The following UBXN1 variants were observed in gnomAD, a reference collection of about 807,000 sequenced individuals.
The protein encoded by UBXN1 is UBX domain protein 1, also known as UBX domain-containing protein 1.
In UBXN1, 21 loss-of-function variants were observed where a neutral mutation model predicts 42.0. The ratio of observed to expected loss-of-function variants is 0.50; its 90% CI spans 0.35 to 0.72. The LOEUF is 0.72. Ranked by LOEUF, UBXN1 falls within the 30% of genes least tolerant of loss-of-function variation. The pLI is 0.00. For missense variants in UBXN1, 374 were observed against 382.2 expected (o/e 0.98, Z 0.18); for synonymous variants, 172 against 142.6 (o/e 1.21, Z -1.47).
chr11:62,677,502 G>A lies in UBXN1; in HGVS notation c.651+16C>T. ...CAAAGGGGTCCCAAGAGGAAGATAA[G>A]AATTAGAATCAGTACCTGTATGCGA... is the stretch of plus-strand genomic sequence containing the variant. On this transcript the variant is annotated intron_variant, in intron 7 of 8. Transcript: ENST00000301935. 7 of 1,613,156 alleles carry A rather than the reference G, an allele frequency of 4.3e-6. No homozygotes were observed. Among genetic ancestry groups the A allele is most frequent in the Non-Finnish European group, 5.9e-6 (7 of 1,179,112 alleles).
Position 62,678,673 on chromosome 11 carries a change from C to T in UBXN1, c.113+17G>A. ...CCGCCAGCCCCCAATTCTCCGCCAC[C>T]CGGGACGAGCGCTTACCAGTCCATC... On this transcript the variant is annotated intron_variant, in intron 2 of 8. Transcript: ENST00000301935. 6.2e-7 allele frequency: 1 copy of T among 1,611,328 alleles called. No individual in the cohort carries two copies. The highest frequency in any genetic ancestry group is 1.1e-5 in the South Asian group (1 of 90,894).
At position 62,678,133 on chromosome 11, in the gene UBXN1, G is replaced by C. The variant is rs375404169; in HGVS notation, c.291-15C>G. The C allele has an allele frequency of 6.2e-7, 1 of 1,612,884 alleles. No individual in the cohort carries two copies. The highest frequency in any genetic ancestry group is 8.5e-7 in the Non-Finnish European group (1 of 1,179,280). On this transcript the variant is annotated splice_polypyrimidine_tract_variant and intron_variant, in intron 4 of 8. Coordinates refer to ENST00000301935, the MANE Select transcript of UBXN1 (RefSeq NM_001286077.2). ...GCTCCAACATCCTGTGTTGCCGAGGGAAAACAGTTCAAGAGAAATGGACAG... is the reference window on the plus strand; with the variant it reads ...GCTCCAACATCCTGTGTTGCCGAGGCAAAACAGTTCAAGAGAAATGGACAG...
intron 4 of UBXN1, 37 bp downstream of exon 4, chr11:62,678,302 G>A (rs780029540): frequency 1.2e-6 from 2 of 1,612,444 alleles, no homozygotes; most frequent in East Asian, 4.5e-5. Flanking sequence ...AGAGATGGAA[G>A]ACGACCCTCA....
Position 62,678,965 on chromosome 11 carries a change from G to T in UBXN1, c.-42C>A, listed in dbSNP as rs1006482357. The T allele has an allele frequency of 2.8e-5, 44 of 1,546,792 alleles. No individual in the cohort carries two copies. The highest frequency in any genetic ancestry group is 3.7e-5 in the Non-Finnish European group (43 of 1,149,420). On this transcript the variant is annotated 5_prime_UTR_variant, in exon 1 of 9. Coordinates refer to ENST00000301935, the MANE Select transcript of UBXN1 (RefSeq NM_001286077.2). The stretch of plus-strand genomic sequence containing the variant: ...CTTCCGCGGGGACCTGGTGTGTGAC[G>T]AGAAGGAGGGCGGGAAGGGTCAGCG...
At position 62,676,925 on chromosome 11, in the gene UBXN1, C is replaced by G; in HGVS notation, c.732G>C (p.Glu244Asp). The G allele has an allele frequency of 6.2e-7, 1 of 1,613,604 alleles. No homozygotes were observed. The highest frequency in any genetic ancestry group is 8.5e-7 in the Non-Finnish European group (1 of 1,180,048). ...EQLAAVRLYV[E>D]LHRGEELGGG... Reference sequence around the variant, plus strand: ...CACCTAGTTCCTCCCCACGGTGGAGCTCCACATAGAGCCTCACAGCTGCCA... The same window carrying G: ...CACCTAGTTCCTCCCCACGGTGGAGGTCCACATAGAGCCTCACAGCTGCCA... Residue 244 changes from glutamate to aspartate, a missense_variant, in exon 8 of 9, where the codon GAG (glutamate) becomes GAC (aspartate). Glu to Asp is a conservative substitution (Grantham distance 45). Coordinates refer to ENST00000301935, the MANE Select transcript of UBXN1 (RefSeq NM_001286077.2).
chr11:62,677,914 C>A lies in UBXN1; in HGVS notation c.482+13G>T. 1 of 1,614,020 alleles carries A rather than the reference C, an allele frequency of 6.2e-7. No individual in the cohort carries two copies. The highest frequency in any genetic ancestry group is 8.5e-7 in the Non-Finnish European group (1 of 1,179,888). On this transcript the variant is annotated intron_variant, in intron 5 of 8. Transcript: ENST00000301935. ...CTTTCTCATCTGCTATCCATCATTT[C>A]CCCTGCCCAGACCTGGCTGCTAACT...
chr11:62,678,378 G>C lies in UBXN1; in HGVS notation c.251C>G (p.Pro84Arg). The C allele has an allele frequency of 6.2e-7, 1 of 1,614,042 alleles. No homozygotes were observed. Among genetic ancestry groups the C allele is most frequent in the Non-Finnish European group, 8.5e-7 (1 of 1,180,016 alleles). The change falls in exon 4 of 9, where the codon CCC becomes CGC. Residue 84 changes from proline (P) to arginine (R), a missense_variant. Transcript: ENST00000301935. ...GSGSAAGEGK[P>R]ALSEEERQEQ... is the part of the protein sequence containing the mutation. ...CTGTCTTTCCTCTTCACTCAAAGCG[G>C]GTTTGCCTTCTCCGGCAGCAGAACC... is the stretch of plus-strand genomic sequence containing the variant.
chr11:62,678,247 G>A (rs1033505057), intron 4 of UBXN1, 92 bp downstream of exon 4: 1 of 1,605,334 alleles, frequency 6.2e-7, no homozygotes, highest in Non-Finnish European at 8.5e-7. Flanking sequence ...CAAGAAAGAG[G>A]AAATGTGGAA....
chr11:62,677,131 C>T (rs1488660530), intron 7 of UBXN1, 126 bp from the exon 8 acceptor site: 8 of 1,141,078 alleles, frequency 7.0e-6, no homozygotes, highest in African/African-American at 1.6e-5. Flanking sequence ...CTATTTAAAG[C>T]ACCAAATGAA....
At position 62,678,924 on chromosome 11, in the gene UBXN1, G is replaced by C. The variant is rs746964877; in HGVS notation, c.-1C>G. ...TCTCAAGAGCCGTCAGCTCCGCCAT[G>C]GCGCCGACACCGCGGCTTCCGCGGG... On this transcript the variant is annotated 5_prime_UTR_variant, in exon 1 of 9. Coordinates refer to ENST00000301935, the MANE Select transcript of UBXN1 (RefSeq NM_001286077.2). The C allele has an allele frequency of 6.3e-7, 1 of 1,586,450 alleles. No individual in the cohort carries two copies. The highest frequency in any genetic ancestry group is 1.1e-5 in the South Asian group (1 of 88,076).
Position 62,678,364 on chromosome 11 carries a change from C to G in UBXN1, c.265G>C (p.Glu89Gln). The G allele has an allele frequency of 6.2e-7, 1 of 1,614,174 alleles. No individual in the cohort carries two copies. The highest frequency in any genetic ancestry group is 1.3e-5 in the African/African-American group (1 of 75,044). ...AGEGKPALSE[E>Q]ERQEQTKRML... ...CTCTTAGTTTGTTCCTGTCTTTCCT[C>G]TTCACTCAAAGCGGGTTTGCCTTCT... Residue 89 changes from glutamate to glutamine, a missense_variant, in exon 4 of 9, where the codon GAG (glutamate) becomes CAG (glutamine). Physicochemically the swap from Glu to Gln is conservative, Grantham distance 29. Transcript: ENST00000301935.
rs1197474711 is a variant in UBXN1, at chr11:62,677,589, G to C, written c.580C>G (p.Pro194Ala). The C allele has an allele frequency of 6.2e-7, 1 of 1,613,772 alleles. No individual in the cohort carries two copies. The highest frequency in any genetic ancestry group is 1.3e-5 in the African/African-American group (1 of 75,028). Residue 194 changes from proline to alanine, a missense_variant, in exon 7 of 9, where the codon CCA becomes GCA. Coordinates refer to ENST00000301935, the MANE Select transcript of UBXN1 (RefSeq NM_001286077.2). ...GSQPPPVAPEPGPVPSSPSQE... is the reference protein window; with the variant it reads ...GSQPPPVAPEAGPVPSSPSQE... ...CTGGGAGAAGAGGGAACAGGACCTGGCTCTGGTGCCACTGGGGGTGGCTGA... is the reference window on the plus strand; with the variant it reads ...CTGGGAGAAGAGGGAACAGGACCTGCCTCTGGTGCCACTGGGGGTGGCTGA...
At chr11:62,677,310 CTGAG>C (rs1476775329) in intron 7 of UBXN1, 2 of 635,974 alleles carry the variant, frequency 3.1e-6, no homozygotes, top group Admixed American at 3.0e-5. Flanking sequence ...AGGGTAACTG[CTGAG>C]TAAGAGAGAG....
chr11:62,678,280 C>A (rs762490673), intron 4 of UBXN1, 59 bp downstream of exon 4: 1 of 1,611,450 alleles, frequency 6.2e-7, no homozygotes, highest in East Asian at 2.2e-5. Flanking sequence ...TTTGACCAGA[C>A]GTGTACTGGG....
At chr11:62,678,253 T>G (rs925694985) in intron 4 of UBXN1, 86 bp downstream of exon 4, 2 of 1,606,242 alleles carry the variant, frequency 1.2e-6, no homozygotes, top group Non-Finnish European at 1.7e-6. Context: ...AGAGGAAATG[T>G]GGAAAGGTCA....
In UBXN1 at chr11:62,678,406, A is replaced by T. The variant is rs753215567; in HGVS notation, c.223T>A (p.Ser75Thr). The T allele has an allele frequency of 1.8e-5, 29 of 1,613,948 alleles. No individual in the cohort carries two copies. The highest frequency in any genetic ancestry group is 1.8e-5 in the Non-Finnish European group (21 of 1,180,006). Residue 75 changes from serine (S) to threonine (T), a missense_variant and splice_region_variant, in exon 4 of 9, where the codon TCT becomes ACT. Ser to Thr is a moderately conservative substitution (Grantham distance 58). Coordinates refer to ENST00000301935, the MANE Select transcript of UBXN1 (RefSeq NM_001286077.2). ...TSSEQGGLEGSGSAAGEGKPA... is the reference protein window; with the variant it reads ...TSSEQGGLEGTGSAAGEGKPA... ...TTGCCTTCTCCGGCAGCAGAACCAG[A>T]TCCTACAAACAAACAATCGGTATTA...
chr11:62,678,848 T>C lies in UBXN1; in HGVS notation c.59+17A>G, dbSNP rs1352364488. 1.2e-6 allele frequency: 2 copies of C among 1,607,710 alleles called. No individual in the cohort carries two copies. Among genetic ancestry groups the C allele is most frequent in the African/African-American group, 1.3e-5 (1 of 74,854 alleles). ...GACCCCCCACACCCGCAGGCCGGGG[T>C]TGGGGAACTCCCTTACGCGCGTCCC... On this transcript the variant is annotated intron_variant, in intron 1 of 8. Transcript: ENST00000301935.
In UBXN1 at chr11:62,676,554, TGAA is replaced by T; in HGVS notation, c.*33_*35del. ...GGAGATGTCAGTGCTTTATCAAAGA[TGAA>T]GGGGTCACAGAGGGACAATGGGACA... On this transcript the variant is annotated 3_prime_UTR_variant, in exon 9 of 9. Transcript: ENST00000301935. The T allele has an allele frequency of 6.4e-7, 1 of 1,559,914 alleles. No individual in the cohort carries two copies. The highest frequency in any genetic ancestry group is 8.7e-7 in the Non-Finnish European group (1 of 1,155,746).
Position 62,677,516 on chromosome 11 carries a change from A to G in UBXN1, c.651+2T>C, listed in dbSNP as rs945827120. On this transcript the variant is annotated splice_donor_variant, in intron 7 of 8. Transcript: ENST00000301935. LOFTEE classifies it high-confidence loss of function. ...GAGGAAGATAAGAATTAGAATCAGT[A>G]CCTGTATGCGACACTGGTCATACTC... 6.2e-7 allele frequency: 1 copy of G among 1,613,846 alleles called. No individual in the cohort carries two copies. Among genetic ancestry groups the G allele is most frequent in the Non-Finnish European group, 8.5e-7 (1 of 1,179,848 alleles).
Sources: gnomAD v4.1 joint callset for allele counts on GRCh38, gnomAD v4.1.1 for gene constraint, MANE v1.5 for transcripts, NCBI Gene and HGNC (gene_info 2026-07-23, HGNC 2026-07-21) for gene names.